KCNT2: variants seen among roughly 807,000 people sequenced by gnomAD.
KCNT2 encodes potassium channel subfamily T member 2.
A neutral mutation model predicts 153.8 loss-of-function variants in KCNT2; 67 were observed. The ratio of observed to expected loss-of-function variants is 0.44; its 90% CI spans 0.36 to 0.53. The LOEUF (loss-of-function observed/expected upper bound fraction) is 0.53. KCNT2 is among the 20% of genes least tolerant of loss of function. The pLI is 0.00. For missense variants in KCNT2, 975 were observed against 1,354.8 expected, an observed-to-expected ratio of 0.72 and a Z score of 4.40; for synonymous variants, 500 against 458.8, an observed-to-expected ratio of 1.09 and a Z score of -1.15.
intron 1 of KCNT2, among the ~76,000 whole-genome samples, chr1:196,578,764 AC>A (rs1336949310): frequency 2.6e-5 from 4 of 151,888 alleles, no homozygotes; most frequent in Non-Finnish European, 5.9e-5. Context: ...ATAATCAGCT[AC>A]CCCCCATGTC....
intron 1 of KCNT2, among the ~76,000 whole-genome samples, chr1:196,500,486 C>T (rs1028413173): frequency 2.6e-5 from 4 of 152,124 alleles, no homozygotes; most frequent in Admixed American, 6.5e-5. Context: ...AATTCTAGAA[C>T]ATTTGTAAAA....
chr1:196,369,137 A>G (rs1399016613), intron 14 of KCNT2, among the ~76,000 whole-genome samples: 1 of 152,118 alleles, frequency 6.6e-6, no homozygotes, highest in East Asian at 1.9e-4. Context: ...TATTGTGAAA[A>G]CAAATTGAAA....
intron 22 of KCNT2, among the ~76,000 whole-genome samples, chr1:196,296,244 A>G (rs905750460): frequency 6.6e-6 from 1 of 151,988 alleles, no homozygotes; most frequent in African/African-American, 2.4e-5. Context: ...GAAAAATATT[A>G]CATAAATAAA....
At chr1:196,500,547 A>C (rs1680618851) in intron 1 of KCNT2, among the ~76,000 whole-genome samples, 1 of 152,234 alleles carries the variant, frequency 6.6e-6, no homozygotes, top group Non-Finnish European at 1.5e-5. Flanking sequence ...ATAGTGGGCT[A>C]TCCCCATAAA....
At chr1:196,442,707 A>G (rs575628238) in intron 8 of KCNT2, among the ~76,000 whole-genome samples, 2 of 151,846 alleles carry the variant, frequency 1.3e-5, no homozygotes, top group Admixed American at 1.3e-4. Context: ...CAACAACAAC[A>G]GGACTCTGAA....
At chr1:196,329,080 G>A (rs1664176898) in intron 18 of KCNT2, among the ~76,000 whole-genome samples, 1 of 151,942 alleles carries the variant, frequency 6.6e-6, no homozygotes, top group Non-Finnish European at 1.5e-5. Flanking sequence ...CAATTAATAG[G>A]GAAACAAAGA....
intron 25 of KCNT2, among the ~76,000 whole-genome samples, chr1:196,272,601 C>T (rs1213493862): frequency 6.6e-6 from 1 of 151,788 alleles, no homozygotes; most frequent in African/African-American, 2.4e-5. Flanking sequence ...GAGCTACAAA[C>T]CCAGCTTTGC....
chr1:196,274,975 C>G (rs756283638), intron 25 of KCNT2, among the ~76,000 whole-genome samples: 27 of 151,668 alleles, frequency 1.8e-4, no homozygotes, highest in Non-Finnish European at 3.4e-4. Context: ...TAGCTAATAC[C>G]CCCAGTGGAA....
At chr1:196,519,709 C>A (rs1027058129) in intron 1 of KCNT2, among the ~76,000 whole-genome samples, 2 of 152,030 alleles carry the variant, frequency 1.3e-5, no homozygotes, top group Non-Finnish European at 2.9e-5. Flanking sequence ...TGGATAAATT[C>A]CTGAACACAT....
At chr1:196,421,105 T>C (rs1218099752) in intron 12 of KCNT2, among the ~76,000 whole-genome samples, 2 of 152,064 alleles carry the variant, frequency 1.3e-5, no homozygotes, top group African/African-American at 2.4e-5. Flanking sequence ...TTTAACTTCC[T>C]TCACTGTTGA....
At chr1:196,242,421 G>T (rs1655041653) in intron 26 of KCNT2, among the ~76,000 whole-genome samples, 1 of 151,940 alleles carries the variant, frequency 6.6e-6, no homozygotes, top group Non-Finnish European at 1.5e-5. Flanking sequence ...TGGACCCATT[G>T]ATTTAAATTT....
chr1:196,488,060 T>C (rs1458054688), intron 3 of KCNT2, among the ~76,000 whole-genome samples: 1 of 151,966 alleles, frequency 6.6e-6, no homozygotes, highest in Non-Finnish European at 1.5e-5. Context: ...TATCTGTACA[T>C]CACAGTTTAC....
At chr1:196,451,260 T>C (rs929448382) in intron 8 of KCNT2, among the ~76,000 whole-genome samples, 1 of 146,622 alleles carries the variant, frequency 6.8e-6, no homozygotes, top group African/African-American at 2.5e-5. Flanking sequence ...TCTTTTTTTT[T>C]GAGACTCCAT....
At chr1:196,592,800 T>C (rs1663542374) in intron 1 of KCNT2, among the ~76,000 whole-genome samples, 2 of 148,358 alleles carry the variant, frequency 1.3e-5, no homozygotes, top group South Asian at 4.2e-4. Context: ...CTATAGTCAA[T>C]AATAATTTAA....
rs1456511450 is a variant in KCNT2, at chr1:196,342,229, C to G, written c.1404-1G>C. ...TTGTTCTGGCGATTGCTGGCCTTCT[C>G]TGCAACACAGGCACACACACATACA... is the stretch of plus-strand genomic sequence containing the variant. On this transcript the variant is annotated splice_acceptor_variant, in intron 14 of 27. Coordinates refer to ENST00000294725, the MANE Select transcript of KCNT2 (RefSeq NM_198503.5). LOFTEE classifies it high-confidence loss of function. The G allele has an allele frequency of 1.9e-6, 3 of 1,610,928 alleles. No individual in the cohort carries two copies. The highest frequency in any genetic ancestry group is 2.5e-6 in the Non-Finnish European group (3 of 1,178,702).
chr1:196,474,106 A>G (rs1425152957), intron 5 of KCNT2, among the ~76,000 whole-genome samples: 5 of 152,152 alleles, frequency 3.3e-5, no homozygotes, highest in Admixed American at 6.6e-5. Flanking sequence ...TTTAGCACGG[A>G]CACATCATTT....
chr1:196,532,121 T>C (rs1023882002), intron 1 of KCNT2, among the ~76,000 whole-genome samples: 1 of 152,068 alleles, frequency 6.6e-6, no homozygotes, highest in African/African-American at 2.4e-5. Context: ...ATTTATTTAT[T>C]TCACAAAGAA....
chr1:196,395,772 C>T (rs1670883562), intron 13 of KCNT2, among the ~76,000 whole-genome samples: 1 of 151,472 alleles, frequency 6.6e-6, no homozygotes, highest in African/African-American at 2.4e-5. Flanking sequence ...GTAAACTTTG[C>T]TTACTTTTTA....
At chr1:196,538,951 T>A (rs1428980697) in intron 1 of KCNT2, among the ~76,000 whole-genome samples, 1 of 152,238 alleles carries the variant, frequency 6.6e-6, no homozygotes, top group East Asian at 1.9e-4. Flanking sequence ...TTCCATGAAA[T>A]GTATCCTTTT....
Sources: gnomAD v4.1 joint callset for allele counts (sites outside exome capture counted in the v4.1 genomes callset) on GRCh38, gnomAD v4.1.1 for gene constraint, MANE v1.5 for transcripts, NCBI Gene and HGNC (gene_info 2026-07-23, HGNC 2026-07-21) for gene names.